Variants in TEX15 observed in about 807,000 individuals in gnomAD.
TEX15 encodes testis-expressed protein 15.
TEX15 carries 171 observed loss-of-function variants against 237.3 expected under a neutral mutation model. That is an observed-to-expected ratio of 0.72 (90% CI 0.64 to 0.82). The LOEUF is 0.82. Ranked by LOEUF, TEX15 falls within the 40% of genes least tolerant of loss-of-function variation. TEX15 has a pLI of 0.00. For synonymous variants in TEX15, 1,338 were observed against 1,269.8 expected (o/e 1.05, Z -1.14); for missense variants, 3,750 against 3,646.5 (o/e 1.03, Z -0.73).
intron 7 of TEX15, among the ~76,000 whole-genome samples, chr8:30,852,088 CATTAATTT>C (rs1563247904): frequency 7.2e-6 from 1 of 138,780 alleles, no homozygotes; most frequent in African/African-American, 2.7e-5. Flanking sequence ...GCCTTATGTA[CATTAATTT>C]AATCTTTTTT....
chr8:30,855,430 TAAAA>T (rs947438703), intron 7 of TEX15, among the ~76,000 whole-genome samples: 2 of 152,242 alleles, frequency 1.3e-5, no homozygotes. Flanking sequence ...ATGGCTATAA[TAAAA>T]AAGTCAAATA....
chr8:30,874,213 G>A (rs323378), intron 4 of TEX15, among the ~76,000 whole-genome samples: 53,484 of 152,034 alleles, frequency 0.35, 14,237 homozygotes, highest in African/African-American at 0.74. Context: ...ATTCTAAAAT[G>A]AACAAGCCAA....
At chr8:30,884,762 C>A (rs1341166523) in intron 3 of TEX15, among the ~76,000 whole-genome samples, 1 of 151,960 alleles carries the variant, frequency 6.6e-6, no homozygotes, top group African/African-American at 2.4e-5. Flanking sequence ...CTTTACTGAT[C>A]TTTTCAAAGA....
At chr8:30,838,143 T>A (rs1807354825) in intron 9 of TEX15, 82 bp from the exon 10 acceptor site, 1 of 1,236,488 alleles carries the variant, frequency 8.1e-7, no homozygotes, top group Admixed American at 2.9e-5. Flanking sequence ...ATTTGAAATT[T>A]TTATCCAGGG....
In TEX15 at chr8:30,848,393, T is replaced by C. The variant is rs146850714; in HGVS notation, c.1774A>G (p.Ile592Val). 8.9e-5 allele frequency: 144 copies of C among 1,614,140 alleles called. No homozygotes were observed. The African/African-American group carries it at 1.3e-3, about 15-fold the overall frequency. ...GACGTTTGGCAACCAGTCTGATAAA[T>C]TGTTTTTAAATCAGAAGACTGCGAG... ...QDSQSSDLKT[I>V]YQTGCQTSTV... The change falls in exon 8 of 11, where the codon ATT becomes GTT. Residue 592 changes from isoleucine to valine, a missense_variant. Transcript: ENST00000643185.
intron 5 of TEX15, among the ~76,000 whole-genome samples, chr8:30,865,802 A>G (rs905540457): frequency 3.3e-4 from 50 of 152,178 alleles, no homozygotes; most frequent in Non-Finnish European, 5.1e-4. Flanking sequence ...CCTCAAAACA[A>G]TAAAACTCAT....
chr8:30,899,741 A>C (rs931247593), intron 1 of TEX15, among the ~76,000 whole-genome samples: 1 of 152,036 alleles, frequency 6.6e-6, no homozygotes, highest in Non-Finnish European at 1.5e-5. Flanking sequence ...CCTGGCCCCA[A>C]CTCCGTTCTT....
At chr8:30,899,591 C>T (rs1291034734) in intron 1 of TEX15, among the ~76,000 whole-genome samples, 3 of 152,152 alleles carry the variant, frequency 2.0e-5, no homozygotes, top group Non-Finnish European at 4.4e-5. Context: ...GCTGGGATTA[C>T]AGGCATGTGC....
intron 5 of TEX15, among the ~76,000 whole-genome samples, chr8:30,862,776 C>T (rs1420890274): frequency 6.6e-6 from 1 of 151,918 alleles, no homozygotes; most frequent in African/African-American, 2.4e-5. Flanking sequence ...CTTTTCTTCC[C>T]CACTTAGATT....
Position 30,843,585 on chromosome 8 carries a change from TG to T in TEX15, c.6581del (p.Pro2194HisfsTer12). On this transcript the variant is annotated frameshift_variant, in exon 8 of 11. Coordinates refer to ENST00000643185, the MANE Select transcript of TEX15 (RefSeq NM_001350162.2). LOFTEE classifies it high-confidence loss of function. ...SDCFDFSLSV[P>X]FTCGVNFGDS... is the part of the protein sequence containing the mutation. ...CTCCAAAGTTAACTCCACAGGTAAATGGAACAGAAAGAGAAAAATCAAAGCA... is the reference window on the plus strand; with the variant it reads ...CTCCAAAGTTAACTCCACAGGTAAATGAACAGAAAGAGAAAAATCAAAGCA... 1 of 1,613,114 alleles carries T rather than the reference TG, an allele frequency of 6.2e-7. No individual in the cohort carries two copies. Among genetic ancestry groups the T allele is most frequent in the Non-Finnish European group, 8.5e-7 (1 of 1,179,716 alleles).
At chr8:30,890,042 T>C (rs1808765993) in intron 2 of TEX15, among the ~76,000 whole-genome samples, 1 of 149,664 alleles carries the variant, frequency 6.7e-6, no homozygotes, top group Non-Finnish European at 1.5e-5. Flanking sequence ...TGGGCTATTC[T>C]AGACAGAGAA....
At chr8:30,885,198 T>G (rs1808618501) in intron 3 of TEX15, among the ~76,000 whole-genome samples, 1 of 152,090 alleles carries the variant, frequency 6.6e-6, no homozygotes, top group Non-Finnish European at 1.5e-5. Flanking sequence ...CATTGTGGTC[T>G]GATATGATTT....
rs961213177 is a variant in TEX15 at position 30,865,619 on chromosome 8, T to C, written c.540+1646A>G. 5.9e-5 allele frequency among the ~76,000 whole-genome samples: 9 copies of C among 152,158 alleles called. No homozygotes were observed. The East Asian group carries it at 1.7e-3, about 29-fold the overall frequency. Reference sequence around the variant, plus strand: ...ATTCATCATGACCAAGTGGGATTCATACCAGCGATGCAAGGATGGTTCAAC... The same window carrying C: ...ATTCATCATGACCAAGTGGGATTCACACCAGCGATGCAAGGATGGTTCAAC... On this transcript the variant is annotated intron_variant, in intron 5 of 10. Coordinates refer to ENST00000643185, the MANE Select transcript of TEX15 (RefSeq NM_001350162.2).
At chr8:30,883,135 G>T (rs1808567475) in intron 3 of TEX15, among the ~76,000 whole-genome samples, 1 of 151,862 alleles carries the variant, frequency 6.6e-6, no homozygotes, top group Admixed American at 6.6e-5. Flanking sequence ...TTTAGAGACA[G>T]GGTCTCACTC....
chr8:30,848,314 G>A lies in TEX15; in HGVS notation c.1853C>T (p.Thr618Ile), dbSNP rs768361680. ...GTCAGCGAAGTTTTTCATCTTTCCA[G>A]TATTTTGAAGGTATTCATCAATGCT... is the stretch of plus-strand genomic sequence containing the variant. The part of the protein sequence containing the change: ...KVSIDEYLQN[T>I]GKMKNFADLE... Residue 618 changes from threonine to isoleucine, a missense_variant, in exon 8 of 11, where the codon ACT becomes ATT. Coordinates refer to ENST00000643185, the MANE Select transcript of TEX15 (RefSeq NM_001350162.2). The A allele has an allele frequency of 6.2e-7, 1 of 1,613,482 alleles. No homozygotes were observed. Among genetic ancestry groups the A allele is most frequent in the Non-Finnish European group, 8.5e-7 (1 of 1,179,908 alleles).
chr8:30,876,801 G>T (rs1808407876), intron 3 of TEX15, among the ~76,000 whole-genome samples: 1 of 152,152 alleles, frequency 6.6e-6, no homozygotes, highest in South Asian at 2.1e-4. Flanking sequence ...TCCCTACCCA[G>T]ATCTCATCTT....
At chr8:30,884,970 A>C (rs1276331275) in intron 3 of TEX15, among the ~76,000 whole-genome samples, 1 of 151,996 alleles carries the variant, frequency 6.6e-6, no homozygotes, top group African/African-American at 2.4e-5. Context: ...CAATGCTATA[A>C]ATTTCTTTCT....
intron 7 of TEX15, among the ~76,000 whole-genome samples, chr8:30,855,076 G>A (rs1807880628): frequency 6.6e-6 from 1 of 152,030 alleles, no homozygotes; most frequent in South Asian, 2.1e-4. Flanking sequence ...AAAGATGTCT[G>A]CTCTTGCCAC....
At chr8:30,838,697 TAC>T (rs3078152) in intron 9 of TEX15, among the ~76,000 whole-genome samples, 109,273 of 134,720 alleles carry the variant, frequency 0.81, 44,217 homozygotes, top group East Asian at 0.89. Flanking sequence ...ATTATATATA[TAC>T]ACACACACAC....
Sources: allele counts gnomAD v4.1 joint callset (sites outside exome capture counted in the v4.1 genomes callset), GRCh38; gene constraint gnomAD v4.1.1; transcripts MANE v1.5; gene names NCBI Gene and HGNC (gene_info 2026-07-23, HGNC 2026-07-21).